The following GRID1 variants were observed in gnomAD, a reference collection of about 807,000 sequenced individuals.
GRID1 encodes glutamate ionotropic receptor delta type subunit 1, also known as glutamate receptor ionotropic, delta-1.
GRID1 carries 28 observed loss-of-function variants against 98.0 expected under a neutral mutation model. The ratio of observed to expected loss-of-function variants is 0.29; its 90% CI spans 0.21 to 0.39. The LOEUF (loss-of-function observed/expected upper bound fraction) is 0.39. GRID1 is among the 10% of genes least tolerant of loss of function. The pLI is 1.00. For synonymous variants in GRID1, 553 were observed against 538.5 expected, an observed-to-expected ratio of 1.03 and a Z score of -0.37; for missense variants, 1,111 against 1,340.5, an observed-to-expected ratio of 0.83 and a Z score of 2.67.
chr10:86,043,208 C>T lies in GRID1; in HGVS notation c.726+95611G>A, dbSNP rs1232895556. Among the ~76,000 whole-genome samples the T allele has an allele frequency of 1.2e-4, 18 of 152,230 alleles. 1 individual carries two copies. Among genetic ancestry groups the T allele is most frequent in the Admixed American group, 8.5e-4 (13 of 15,282 alleles). ...GAACATTCTCCCAAGCCCCAAGCCC[C>T]TCATCACAGGCAACCAGCCAGGGAC... On this transcript the variant is annotated intron_variant, in intron 4 of 15. Coordinates refer to ENST00000327946, the MANE Select transcript of GRID1 (RefSeq NM_017551.3).
chr10:85,766,982 C>T (rs1049482739), intron 8 of GRID1, among the ~76,000 whole-genome samples: 5 of 152,092 alleles, frequency 3.3e-5, no homozygotes, highest in Admixed American at 2.0e-4. Context: ...AAGAGCCTTC[C>T]TCTGTATATG....
Position 86,363,930 on chromosome 10 carries a change from C to T in GRID1, c.235+11G>A. The T allele has an allele frequency of 3.7e-6, 6 of 1,611,190 alleles. No individual in the cohort carries two copies. Among genetic ancestry groups the T allele is most frequent in the Non-Finnish European group, 5.1e-6 (6 of 1,178,010 alleles). On this transcript the variant is annotated intron_variant, in intron 2 of 15. Coordinates refer to ENST00000327946, the MANE Select transcript of GRID1 (RefSeq NM_017551.3). ...GTGTCCCAGTGGGCCCTGGGCACAGCGGTCACTCACCTTCCTGCACAGCCT... is the reference window on the plus strand; with the variant it reads ...GTGTCCCAGTGGGCCCTGGGCACAGTGGTCACTCACCTTCCTGCACAGCCT...
intron 4 of GRID1, among the ~76,000 whole-genome samples, chr10:85,998,396 A>G (rs970142693): frequency 1.3e-5 from 2 of 152,322 alleles, no homozygotes; most frequent in South Asian, 4.1e-4. Context: ...CCATGGGTGA[A>G]AAAAAGTCTA....
At chr10:86,125,716 G>T (rs1336025556) in intron 4 of GRID1, among the ~76,000 whole-genome samples, 1 of 151,938 alleles carries the variant, frequency 6.6e-6, no homozygotes, top group African/African-American at 2.4e-5. Flanking sequence ...CCACCCATGA[G>T]ACAGCAAGAC....
intron 4 of GRID1, among the ~76,000 whole-genome samples, chr10:86,104,691 C>T (rs1844353858): frequency 6.6e-6 from 1 of 152,242 alleles, no homozygotes; most frequent in African/African-American, 2.4e-5. Context: ...GCTGCCCCAC[C>T]CTCCAGGCCC....
intron 2 of GRID1, among the ~76,000 whole-genome samples, chr10:86,346,637 C>T (rs150535436): frequency 6.6e-6 from 1 of 152,220 alleles, no homozygotes; most frequent in Admixed American, 6.5e-5. Flanking sequence ...AGGAGCCAGG[C>T]CTTTGCTGAT....
intron 4 of GRID1, among the ~76,000 whole-genome samples, chr10:85,925,248 C>T (rs1003070878): frequency 2.6e-5 from 4 of 152,194 alleles, no homozygotes; most frequent in Admixed American, 1.3e-4. Flanking sequence ...AGGCTAAGTC[C>T]TGATGGGAGG....
At chr10:86,327,193 C>A (rs915100639) in intron 2 of GRID1, among the ~76,000 whole-genome samples, 1 of 152,126 alleles carries the variant, frequency 6.6e-6, no homozygotes, top group Admixed American at 6.5e-5. Flanking sequence ...AAAATGAACA[C>A]CTTTGTTGGA....
intron 2 of GRID1, among the ~76,000 whole-genome samples, chr10:86,340,055 AG>A (rs1425419681): frequency 6.6e-6 from 1 of 152,108 alleles, no homozygotes; most frequent in Non-Finnish European, 1.5e-5. Flanking sequence ...CGGAGACAGC[AG>A]GGACTGGAGG....
At chr10:86,213,686 T>A (rs535344647) in intron 2 of GRID1, among the ~76,000 whole-genome samples, 1 of 152,118 alleles carries the variant, frequency 6.6e-6, no homozygotes, top group Non-Finnish European at 1.5e-5. Flanking sequence ...CCCGGCCCTA[T>A]TGAGGGCTCT....
chr10:86,074,009 G>A (rs555524527), intron 4 of GRID1, among the ~76,000 whole-genome samples: 29 of 136,276 alleles, frequency 2.1e-4, no homozygotes, highest in African/African-American at 7.7e-4. Flanking sequence ...AAGAAATCAA[G>A]TGACAGCCAC....
chr10:85,801,501 A>G (rs577380138), intron 8 of GRID1, among the ~76,000 whole-genome samples: 1 of 152,032 alleles, frequency 6.6e-6, no homozygotes, highest in East Asian at 1.9e-4. Flanking sequence ...CAAATTCTAA[A>G]TAACTAAATA....
chr10:86,158,794 G>A (rs1845281215), intron 3 of GRID1, among the ~76,000 whole-genome samples: 1 of 152,238 alleles, frequency 6.6e-6, no homozygotes, highest in Non-Finnish European at 1.5e-5. Context: ...GGGCTTCTGA[G>A]CATTTGAAAC....
At chr10:86,070,676 T>C (rs1357674331) in intron 4 of GRID1, among the ~76,000 whole-genome samples, 1 of 152,174 alleles carries the variant, frequency 6.6e-6, no homozygotes, top group Non-Finnish European at 1.5e-5. Context: ...AGACACTTCT[T>C]CCTGGCCCCT....
intron 4 of GRID1, among the ~76,000 whole-genome samples, chr10:86,093,533 C>G (rs1013795429): frequency 6.6e-6 from 1 of 152,070 alleles, no homozygotes; most frequent in African/African-American, 2.4e-5. Context: ...ACAACTGATA[C>G]CACTGAAATA....
At chr10:86,024,368 G>A (rs1004297484) in intron 4 of GRID1, among the ~76,000 whole-genome samples, 5 of 152,198 alleles carry the variant, frequency 3.3e-5, no homozygotes, top group African/African-American at 9.6e-5. Flanking sequence ...CAATCACGGT[G>A]TGTAGGATAG....
intron 6 of GRID1, among the ~76,000 whole-genome samples, chr10:85,866,331 T>C (rs1013419906): frequency 6.6e-6 from 1 of 150,542 alleles, no homozygotes; most frequent in Non-Finnish European, 1.5e-5. Flanking sequence ...AAAGGCTATG[T>C]TCACCCTTTC....
intron 12 of GRID1, among the ~76,000 whole-genome samples, chr10:85,672,841 C>T (rs1040548440): frequency 7.2e-5 from 11 of 152,210 alleles, no homozygotes; most frequent in Admixed American, 2.0e-4. Flanking sequence ...CATTCTGCAG[C>T]CCATGGATCA....
chr10:85,885,876 A>T (rs1339847150), intron 5 of GRID1, among the ~76,000 whole-genome samples: 1 of 152,270 alleles, frequency 6.6e-6, no homozygotes, highest in East Asian at 1.9e-4. Context: ...ATATAATAAA[A>T]ACTTAGATGA....
Sources: gnomAD v4.1 joint callset for allele counts (sites outside exome capture counted in the v4.1 genomes callset) on GRCh38, gnomAD v4.1.1 for gene constraint, MANE v1.5 for transcripts, NCBI Gene and HGNC (gene_info 2026-07-23, HGNC 2026-07-21) for gene names.